Variants in KCNQ1 observed in about 807,000 individuals in gnomAD.
KCNQ1 encodes potassium voltage-gated channel subfamily Q member 1.
KCNQ1 carries 49 observed loss-of-function variants against 72.4 expected under a neutral mutation model. The ratio of observed to expected loss-of-function variants is 0.68; its 90% CI spans 0.54 to 0.86. The LOEUF is 0.86. Ranked by LOEUF, KCNQ1 falls within the 40% of genes least tolerant of loss-of-function variation. KCNQ1 has a pLI of 0.00. For missense variants in KCNQ1, 790 were observed against 945.1 expected (o/e 0.84, Z 2.15); for synonymous variants, 450 against 412.6 (o/e 1.09, Z -1.10).
intron 10 of KCNQ1, chr11:2,632,634 T>C (rs1258008049): frequency 2.5e-6 from 1 of 398,290 alleles, no homozygotes; most frequent in African/African-American, 2.1e-5. Flanking sequence ...ATTAGCATAT[T>C]CATCAACTCA....
Position 2,588,953 on chromosome 11 carries a change from G to A in KCNQ1, c.1393+99G>A. On this transcript the variant is annotated intron_variant, in intron 10 of 15. Coordinates refer to ENST00000155840, the MANE Select transcript of KCNQ1 (RefSeq NM_000218.3). This position sits in a 1 kb window ranked among gnomAD's most constrained non-coding sequence, Gnocchi z 5.6. ...CAGTGAGTTTCTCCCTTGGGCTGTG[G>A]TCTCTGACAACGAGGTATGAACAGA... The A allele has an allele frequency of 7.1e-7, 1 of 1,406,664 alleles. No homozygotes were observed. Among genetic ancestry groups the A allele is most frequent in the South Asian group, 1.2e-5 (1 of 83,202 alleles). 87.1% of individuals were successfully genotyped at this position (1,406,664 alleles called of 1,614,324 possible).
chr11:2,835,580 A>T (rs1440756323), intron 15 of KCNQ1, among the ~76,000 whole-genome samples: 1 of 152,196 alleles, frequency 6.6e-6, no homozygotes, highest in Non-Finnish European at 1.5e-5. Flanking sequence ...CAAGGGCAGA[A>T]GCCCCACCTC....
chr11:2,581,812 C>T (rs1317151569), intron 6 of KCNQ1, among the ~76,000 whole-genome samples: 1 of 152,232 alleles, frequency 6.6e-6, no homozygotes, highest in Admixed American at 6.5e-5. Context: ...ATACACAGAG[C>T]CGGGTGGTCC....
In KCNQ1 at chr11:2,668,611, T is replaced by A. The variant is rs1850125435; in HGVS notation, c.1514+6530T>A. 5.0e-6 allele frequency: 2 copies of A among 398,514 alleles called. No homozygotes were observed. The highest frequency in any genetic ancestry group is 4.4e-5 in the Admixed American group (1 of 22,718). The allele number at this position is 398,514 out of a possible 1,614,324, so 24.7% of individuals were successfully genotyped here. ...CATCATTCTGTATAAATTGCCTACA[T>A]CTTCTGCCTGTTTTATGTTTATTTA... On this transcript the variant is annotated intron_variant, in intron 11 of 15. Coordinates refer to ENST00000155840, the MANE Select transcript of KCNQ1 (RefSeq NM_000218.3). This position sits in a 1 kb window ranked among gnomAD's most constrained non-coding sequence, Gnocchi z 4.3.
At position 2,588,703 on chromosome 11, in the gene KCNQ1, T is replaced by C; in HGVS notation, c.1252-10T>C. 6.2e-7 allele frequency: 1 copy of C among 1,610,894 alleles called. No individual in the cohort carries two copies. The highest frequency in any genetic ancestry group is 2.2e-5 in the East Asian group (1 of 44,728). ...CAGGAACCGCTAATCTGTTGTCTTG[T>C]TTTTTTTAGGTAAAGAAAAAAAAGT... On this transcript the variant is annotated splice_polypyrimidine_tract_variant and intron_variant, in intron 9 of 15. Coordinates refer to ENST00000155840, the MANE Select transcript of KCNQ1 (RefSeq NM_000218.3). This position sits in a 1 kb window ranked among gnomAD's most constrained non-coding sequence, Gnocchi z 5.6.
chr11:2,541,385 C>G lies in KCNQ1; in HGVS notation c.477+13367C>G, dbSNP rs1293271211. Among the ~76,000 whole-genome samples, 1 of 152,158 alleles carries G rather than the reference C, an allele frequency of 6.6e-6. No individual in the cohort carries two copies. The highest frequency in any genetic ancestry group is 2.4e-5 in the African/African-American group (1 of 41,450). On this transcript the variant is annotated intron_variant, in intron 2 of 15. Coordinates refer to ENST00000155840, the MANE Select transcript of KCNQ1 (RefSeq NM_000218.3). This position sits in a 1 kb window ranked among gnomAD's most constrained non-coding sequence, Gnocchi z 4.8. The stretch of plus-strand genomic sequence containing the variant: ...GGCGTCTTTATTTCATTTTAGCTTT[C>G]TTTAGCGGGGCCTGTGTCTCTTCTC...
intron 15 of KCNQ1, among the ~76,000 whole-genome samples, chr11:2,780,421 G>A (rs866967962): frequency 1.2e-4 from 18 of 152,322 alleles, no homozygotes; most frequent in Middle Eastern, 6.8e-3. Context: ...GCCCTCGGAG[G>A]CCCAGCAGGC....
intron 1 of KCNQ1, among the ~76,000 whole-genome samples, chr11:2,503,559 A>C (rs1589916403): frequency 8.2e-6 from 1 of 121,280 alleles, no homozygotes; most frequent in Non-Finnish European, 1.7e-5. Flanking sequence ...GGGAGGGGGG[A>C]GGGATAGCAT....
chr11:2,667,533 T>C (rs1230801285), intron 11 of KCNQ1: 1 of 290,136 alleles, frequency 3.4e-6, no homozygotes, highest in Non-Finnish European at 6.1e-6. Context: ...ACTTCACAAC[T>C]GCACTGATAT....
chr11:2,798,475 AG>A (rs1214167758), intron 15 of KCNQ1, among the ~76,000 whole-genome samples: 1 of 151,470 alleles, frequency 6.6e-6, no homozygotes, highest in Non-Finnish European at 1.5e-5. Context: ...ACAGCTGTAG[AG>A]GGGTTTGCGG....
In KCNQ1 at chr11:2,458,934, G is replaced by T. The variant is rs888633736; in HGVS notation, c.386+13450G>T. Among the ~76,000 whole-genome samples, 1 of 152,170 alleles carries T rather than the reference G, an allele frequency of 6.6e-6. No individual in the cohort carries two copies. The highest frequency in any genetic ancestry group is 1.5e-5 in the Non-Finnish European group (1 of 68,026). ...CTTAGTTAGGTCCTCAATAAATGAT[G>T]ACAAATATTGGATTAAATTACTTCT... On this transcript the variant is annotated intron_variant, in intron 1 of 15. Coordinates refer to ENST00000155840, the MANE Select transcript of KCNQ1 (RefSeq NM_000218.3). The surrounding 1 kb of genome is among the most constrained non-coding windows in gnomAD (Gnocchi z 4.6).
chr11:2,761,097 T>G (rs1278392176), intron 11 of KCNQ1, among the ~76,000 whole-genome samples: 1 of 152,000 alleles, frequency 6.6e-6, no homozygotes, highest in Non-Finnish European at 1.5e-5. Flanking sequence ...GGAGAATGAG[T>G]GCAAGGTTTT....
At chr11:2,639,610 C>T (rs999826775) in intron 10 of KCNQ1, 1 of 152,512 alleles carries the variant, frequency 6.6e-6, no homozygotes, top group East Asian at 1.9e-4. Flanking sequence ...TGTGAGGTGT[C>T]AGTCTGCCCC....
In KCNQ1 at chr11:2,695,230, G is replaced by A. The variant is rs1850654197; in HGVS notation, c.1514+33149G>A. On this transcript the variant is annotated intron_variant, in intron 11 of 15. Coordinates refer to ENST00000155840, the MANE Select transcript of KCNQ1 (RefSeq NM_000218.3). This position sits in a 1 kb window ranked among gnomAD's most constrained non-coding sequence, Gnocchi z 5.2. Reference sequence around the variant, plus strand: ...CTGTAAGGGTCTGCATAAAGTCACCGCTCTCTTCCTCTCCATGCTTTTCCA... The same window carrying A: ...CTGTAAGGGTCTGCATAAAGTCACCACTCTCTTCCTCTCCATGCTTTTCCA... The A allele has an allele frequency of 2.0e-5, 8 of 398,418 alleles. No individual in the cohort carries two copies. The highest frequency in any genetic ancestry group is 6.2e-4 in the Middle Eastern group (1 of 1,610). 24.7% of individuals were successfully genotyped at this position (398,418 alleles called of 1,614,324 possible). A position where few individuals can be genotyped will look rare whatever the true frequency, so the allele number is the denominator to read the frequency against.
chr11:2,690,962 A>G lies in KCNQ1; in HGVS notation c.1514+28881A>G. ...AAAGGTTCATTTGGGAGTCACGGGT[A>G]TGTGTCAACAAAAGCCCACCAGACC... On this transcript the variant is annotated intron_variant, in intron 11 of 15. Transcript: ENST00000155840. This position sits in a 1 kb window ranked among gnomAD's most constrained non-coding sequence, Gnocchi z 5.1. 1 of 398,648 alleles carries G rather than the reference A, an allele frequency of 2.5e-6. No individual in the cohort carries two copies. The highest frequency in any genetic ancestry group is 4.4e-6 in the Non-Finnish European group (1 of 226,076). 24.7% of individuals were successfully genotyped at this position (398,648 alleles called of 1,614,324 possible).
chr11:2,628,928 T>A (rs952504472), intron 10 of KCNQ1: 21 of 398,316 alleles, frequency 5.3e-5, no homozygotes, highest in Non-Finnish European at 9.3e-5. Context: ...TGACCATAAA[T>A]GTGTGGGTTT....
Position 2,557,934 on chromosome 11 carries a change from C to T in KCNQ1, c.478-12694C>T, listed in dbSNP as rs192398852. 1.6e-3 allele frequency among the ~76,000 whole-genome samples: 242 copies of T among 152,338 alleles called. 1 individual carries two copies. Among genetic ancestry groups the T allele is most frequent in the African/African-American group, 5.6e-3 (231 of 41,566 alleles). ...ACAAAACCAATCATTCATGTGGCTA[C>T]AAACAAATCTAACCTACCTCAAAAA... is the stretch of plus-strand genomic sequence containing the variant. On this transcript the variant is annotated intron_variant, in intron 2 of 15. Transcript: ENST00000155840.
chr11:2,835,397 TCACACACACACACACACA>T (rs36227626), intron 15 of KCNQ1, among the ~76,000 whole-genome samples: 6 of 130,478 alleles, frequency 4.6e-5, no homozygotes, highest in Non-Finnish European at 1.0e-4. Context: ...AAACCCTGAC[TCACACACACACACACACA>T]CACACACACA....
intron 2 of KCNQ1, among the ~76,000 whole-genome samples, chr11:2,570,162 G>C (rs1848306334): frequency 7.1e-6 from 1 of 140,014 alleles, no homozygotes; most frequent in South Asian, 2.1e-4. Flanking sequence ...TCTGGCCCAA[G>C]CTGGGGTTCC....
Sources: gnomAD v4.1 joint callset for allele counts (sites outside exome capture counted in the v4.1 genomes callset) on GRCh38, gnomAD v4.1.1 for gene constraint, Gnocchi (gnomAD v3.1) non-coding constraint, MANE v1.5 for transcripts, NCBI Gene and HGNC (gene_info 2026-07-23, HGNC 2026-07-21) for gene names.